C20orf203: variants seen among roughly 807,000 people sequenced by gnomAD.
C20orf203 encodes the protein chromosome 20 open reading frame 203.
A neutral mutation model predicts 15.9 loss-of-function variants in C20orf203; 16 were observed. That is an observed-to-expected ratio of 1.01 (90% CI 0.68 to 1.53). C20orf203 has a LOEUF of 1.53. C20orf203 is among the 40% of genes most tolerant of loss of function. C20orf203 has a pLI of 0.00. For synonymous variants in C20orf203, 98 were observed against 97.2 expected, an observed-to-expected ratio of 1.01 and a Z score of -0.05; for missense variants, 263 against 247.5, an observed-to-expected ratio of 1.06 and a Z score of -0.42.
chr20:32,651,250 C>A, intron 2 of C20orf203, 84 bp from the exon 3 acceptor site: 1 of 439,932 alleles, frequency 2.3e-6, no homozygotes, highest in Non-Finnish European at 4.0e-6. Context: ...GGTAGCTACT[C>A]AAGTGGGAGG....
chr20:32,647,390 C>T (rs1204853064), intron 4 of C20orf203, among the ~76,000 whole-genome samples: 4 of 118,170 alleles, frequency 3.4e-5, no homozygotes, highest in Non-Finnish European at 7.2e-5. Context: ...AGTGAAACTC[C>T]GTCTCAAAAA....
chr20:32,667,480 C>T (rs926734158), intron 1 of C20orf203, among the ~76,000 whole-genome samples: 1 of 152,152 alleles, frequency 6.6e-6, no homozygotes, highest in Admixed American at 6.6e-5. Context: ...TCTGCTTTTC[C>T]TCTCCCTCTC....
chr20:32,639,626 G>C (rs1247478489), intron 5 of C20orf203, among the ~76,000 whole-genome samples: 1 of 66,362 alleles, frequency 1.5e-5, no homozygotes, highest in African/African-American at 4.3e-5. Context: ...TTTTTAAATA[G>C]TAAAAAAAAA....
Position 32,651,118 on chromosome 20 carries a change from T to A in C20orf203, c.35A>T (p.Gln12Leu). ...FPRPVLNSRA[Q>L]AILLPQPPNM... ...GGGAGGCTGAGGCAGGAGAATCGCT[T>A]GAGCCCGGGAGTTCAAGACAGGCCT... is the stretch of plus-strand genomic sequence containing the variant. Residue 12 changes from glutamine to leucine, a missense_variant, in exon 3 of 6, where the codon CAA becomes CTA. Physicochemically the swap from Gln to Leu is moderately radical, Grantham distance 113 (BLOSUM62 -2). Coordinates refer to ENST00000608990, the MANE Select transcript of C20orf203 (RefSeq NM_182584.4). 1.6e-6 allele frequency: 2 copies of A among 1,275,730 alleles called. No individual in the cohort carries two copies. The highest frequency in any genetic ancestry group is 2.2e-6 in the Non-Finnish European group (2 of 924,816). The allele number at this position is 1,275,730 out of a possible 1,614,324, so 79.0% of individuals were successfully genotyped here.
At chr20:32,644,317 G>A (rs1213487060) in intron 4 of C20orf203, among the ~76,000 whole-genome samples, 3 of 152,026 alleles carry the variant, frequency 2.0e-5, no homozygotes, top group Admixed American at 6.6e-5. Flanking sequence ...GTGTGGTGGC[G>A]TACACCTGTA....
At chr20:32,646,086 CT>C (rs1982419455) in intron 4 of C20orf203, among the ~76,000 whole-genome samples, 1 of 151,484 alleles carries the variant, frequency 6.6e-6, no homozygotes, top group South Asian at 2.1e-4. Context: ...GTCTGTGTCT[CT>C]GCTTTCTCCA....
chr20:32,660,132 T>C lies in C20orf203; in HGVS notation c.-263-8151A>G, dbSNP rs766898694. 1.9e-4 allele frequency among the ~76,000 whole-genome samples: 29 copies of C among 152,122 alleles called. 1 individual carries two copies. The highest frequency in any genetic ancestry group is 1.2e-4 in the African/African-American group (5 of 41,434). On this transcript the variant is annotated intron_variant, in intron 1 of 5. Transcript: ENST00000608990. ...TACACCTCTGGGGCACAGTTGCTAC[T>C]CCTGTCCTGTACAGGGCAGCCCAGT...
intron 1 of C20orf203, among the ~76,000 whole-genome samples, chr20:32,669,172 CA>C (rs1447486041): frequency 2.0e-5 from 3 of 152,236 alleles, no homozygotes; most frequent in Non-Finnish European, 4.4e-5. Context: ...CTCTGTGATG[CA>C]GGCAAGGGGC....
At position 32,650,350 on chromosome 20, in the gene C20orf203, G is replaced by A; in HGVS notation, c.*82C>T. 3.1e-6 allele frequency: 3 copies of A among 975,720 alleles called. No homozygotes were observed. 60.4% of individuals were successfully genotyped at this position (975,720 alleles called of 1,614,324 possible). On this transcript the variant is annotated 3_prime_UTR_variant, in exon 4 of 6. Transcript: ENST00000608990. ...GGGGAGCAGAATGATTGTGGGGGGT[G>A]GTAACAGGGGACACCCTGAGGTGGT...
chr20:32,651,516 G>T (rs1440565398), intron 2 of C20orf203, among the ~76,000 whole-genome samples: 1 of 152,184 alleles, frequency 6.6e-6, no homozygotes, highest in Non-Finnish European at 1.5e-5. Context: ...GTGACCTCAG[G>T]CAAGGGAGCT....
chr20:32,658,434 T>G (rs755359278), intron 1 of C20orf203, among the ~76,000 whole-genome samples: 3 of 151,332 alleles, frequency 2.0e-5, no homozygotes, highest in Non-Finnish European at 4.4e-5. Context: ...AGACTACAGA[T>G]GTACACTACC....
chr20:32,641,013 A>G (rs1480655791), intron 4 of C20orf203, among the ~76,000 whole-genome samples: 3 of 152,148 alleles, frequency 2.0e-5, no homozygotes, highest in African/African-American at 7.2e-5. Flanking sequence ...ATATCTGTCA[A>G]TTCATCATAT....
chr20:32,658,395 T>A (rs1982813789), intron 1 of C20orf203, among the ~76,000 whole-genome samples: 1 of 152,148 alleles, frequency 6.6e-6, no homozygotes, highest in Non-Finnish European at 1.5e-5. Context: ...CTCAAACTCC[T>A]GGGCTCAAGG....
chr20:32,666,501 T>C (rs959569055), intron 1 of C20orf203, among the ~76,000 whole-genome samples: 1 of 149,776 alleles, frequency 6.7e-6, no homozygotes. Flanking sequence ...CAGTGGCTCA[T>C]ACCTGTAATC....
intron 1 of C20orf203, among the ~76,000 whole-genome samples, chr20:32,654,679 C>CA (rs1418893319): frequency 1.3e-5 from 2 of 151,942 alleles, no homozygotes; most frequent in Admixed American, 6.6e-5. Context: ...CTCATCTCTA[C>CA]AAAAAATACA....
chr20:32,642,504 T>G (rs577962990), intron 4 of C20orf203, among the ~76,000 whole-genome samples: 1 of 152,230 alleles, frequency 6.6e-6, no homozygotes, highest in Non-Finnish European at 1.5e-5. Context: ...ATAACACTTT[T>G]GGCGCGGCGA....
intron 4 of C20orf203, among the ~76,000 whole-genome samples, chr20:32,641,000 A>G (rs1982265705): frequency 6.6e-6 from 1 of 152,106 alleles, no homozygotes; most frequent in Non-Finnish European, 1.5e-5. Context: ...TAATATCCAC[A>G]TTATATCTGT....
chr20:32,668,951 T>C (rs1983099437), intron 1 of C20orf203, among the ~76,000 whole-genome samples: 1 of 152,172 alleles, frequency 6.6e-6, no homozygotes, highest in Non-Finnish European at 1.5e-5. Context: ...CGTCCACAGC[T>C]TGGGGGAGAC....
chr20:32,655,621 C>A (rs922442940), intron 1 of C20orf203, among the ~76,000 whole-genome samples: 4 of 151,992 alleles, frequency 2.6e-5, no homozygotes, highest in African/African-American at 9.7e-5. Flanking sequence ...GGAGAAACCC[C>A]ATCTCTACTA....
Sources: allele counts gnomAD v4.1 joint callset (sites outside exome capture counted in the v4.1 genomes callset), GRCh38; gene constraint gnomAD v4.1.1; transcripts MANE v1.5; gene names NCBI Gene and HGNC (gene_info 2026-07-23, HGNC 2026-07-21).